The following STAG1 variants were observed in gnomAD, a reference collection of about 807,000 sequenced individuals.
STAG1 encodes cohesin subunit SA-1.
In STAG1, 26 loss-of-function variants were observed where a neutral mutation model predicts 170.9. The ratio of observed to expected loss-of-function variants is 0.15; its 90% CI spans 0.11 to 0.21. The LOEUF (loss-of-function observed/expected upper bound fraction) is 0.21. Among genes scored for constraint, STAG1 ranks in the 10% least tolerant of loss-of-function variants. The probability of loss-of-function intolerance (pLI) is 1.00; values close to 1 mark genes in which losing one functional copy is unlikely to be tolerated. For synonymous variants in STAG1, 514 were observed against 497.7 expected, an observed-to-expected ratio of 1.03 and a Z score of -0.44; for missense variants, 964 against 1,509.5, an observed-to-expected ratio of 0.64 and a Z score of 5.99.
intron 1 of STAG1, among the ~76,000 whole-genome samples, chr3:136,643,826 A>C (rs920868457): frequency 1.3e-5 from 2 of 152,146 alleles, no homozygotes; most frequent in Admixed American, 1.3e-4. Context: ...TATTCTTGAC[A>C]ACTGAGGAAA....
chr3:136,473,488 T>C (rs113732482), intron 11 of STAG1, 51 bp downstream of exon 11: 34 of 1,347,656 alleles, frequency 2.5e-5, no homozygotes, highest in African/African-American at 1.5e-4. Flanking sequence ...TAGCTGTAAC[T>C]AGCATTTGTA....
At chr3:136,662,121 C>T (rs770185200) in intron 1 of STAG1, among the ~76,000 whole-genome samples, 1 of 151,514 alleles carries the variant, frequency 6.6e-6, no homozygotes, top group Non-Finnish European at 1.5e-5. Context: ...TTCCAGTTTA[C>T]TAATTCCAGT....
At chr3:136,512,320 G>T (rs548544827) in intron 7 of STAG1, among the ~76,000 whole-genome samples, 3 of 151,796 alleles carry the variant, frequency 2.0e-5, no homozygotes, top group African/African-American at 7.2e-5. Flanking sequence ...ATAAAAATAA[G>T]CTATTTTAGC....
At chr3:136,618,279 T>C (rs1296107625) in intron 3 of STAG1, among the ~76,000 whole-genome samples, 1 of 152,314 alleles carries the variant, frequency 6.6e-6, no homozygotes, top group Non-Finnish European at 1.5e-5. Context: ...TTAGCCTGGG[T>C]GGTCTAACCC....
intron 22 of STAG1, among the ~76,000 whole-genome samples, chr3:136,391,701 T>C (rs915800638): frequency 6.6e-6 from 1 of 152,234 alleles, no homozygotes; most frequent in African/African-American, 2.4e-5. Context: ...CTTATTTGCC[T>C]GGCTCTTTAA....
At chr3:136,598,590 C>A (rs1938532110) in intron 4 of STAG1, among the ~76,000 whole-genome samples, 1 of 152,030 alleles carries the variant, frequency 6.6e-6, no homozygotes, top group Admixed American at 6.6e-5. Flanking sequence ...CCACGCCCGG[C>A]TAATTTTTTG....
At chr3:136,711,413 T>C (rs1389566118) in intron 1 of STAG1, among the ~76,000 whole-genome samples, 1 of 152,100 alleles carries the variant, frequency 6.6e-6, no homozygotes, top group African/African-American at 2.4e-5. Context: ...TTTTAAAAAT[T>C]AGCCAGGCAT....
Position 136,349,346 on chromosome 3 carries a change from T to C in STAG1, c.3083A>G (p.Lys1028Arg). ...TTCCATCATCTGCTCGGTAAGGAAT[T>C]TCTCTAGGTATGAATGACTAGAAAC... The part of the protein sequence containing the change: ...DKKTVHSYLE[K>R]FLTEQMMERR... Residue 1028 changes from lysine (K) to arginine (R), a missense_variant, in exon 29 of 34, where the codon AAA (lysine) becomes AGA (arginine). Physicochemically the swap from Lys to Arg is conservative, Grantham distance 26. This residue lies in a region of STAG1 where 149 missense variants were observed against 301.3 expected (regional missense o/e 0.49). Transcript: ENST00000383202. 1 of 1,613,620 alleles carries C rather than the reference T, an allele frequency of 6.2e-7. No individual in the cohort carries two copies. Among genetic ancestry groups the C allele is most frequent in the Non-Finnish European group, 8.5e-7 (1 of 1,179,594 alleles).
At chr3:136,429,215 T>C (rs1261649427) in intron 16 of STAG1, among the ~76,000 whole-genome samples, 1 of 152,154 alleles carries the variant, frequency 6.6e-6, no homozygotes, top group East Asian at 1.9e-4. Flanking sequence ...GAGACCAGCC[T>C]GGCCAACGTG....
chr3:136,684,167 T>G (rs1205313211), intron 1 of STAG1, among the ~76,000 whole-genome samples: 1 of 152,206 alleles, frequency 6.6e-6, no homozygotes, highest in Non-Finnish European at 1.5e-5. Context: ...TTGTGAATAC[T>G]AACAAAGCGA....
At chr3:136,655,569 C>A (rs535844453) in intron 1 of STAG1, among the ~76,000 whole-genome samples, 6 of 152,288 alleles carry the variant, frequency 3.9e-5, no homozygotes, top group African/African-American at 1.4e-4. Context: ...TCCAGGCCAG[C>A]CTGGCCAACA....
intron 6 of STAG1, among the ~76,000 whole-genome samples, chr3:136,540,516 C>T: frequency 6.6e-6 from 1 of 151,916 alleles, no homozygotes. Context: ...ACAATATTTA[C>T]AGGAGTATTT....
chr3:136,354,666 A>G (rs560615737), intron 28 of STAG1, among the ~76,000 whole-genome samples: 3 of 149,798 alleles, frequency 2.0e-5, no homozygotes, highest in Admixed American at 6.7e-5. Context: ...AACTAAAAAA[A>G]TACAATTAAA....
chr3:136,371,239 T>C (rs1241368527), intron 23 of STAG1, among the ~76,000 whole-genome samples: 1 of 152,254 alleles, frequency 6.6e-6, no homozygotes, highest in Non-Finnish European at 1.5e-5. Flanking sequence ...GAGTTCATTG[T>C]AGATTCTGGA....
chr3:136,514,163 A>G (rs1314725787), intron 7 of STAG1, among the ~76,000 whole-genome samples: 2 of 152,230 alleles, frequency 1.3e-5, no homozygotes, highest in Non-Finnish European at 2.9e-5. Context: ...TATGAAAACG[A>G]AAAGTATGTT....
intron 12 of STAG1, among the ~76,000 whole-genome samples, chr3:136,467,285 A>G (rs2089491625): frequency 2.0e-5 from 3 of 152,168 alleles, no homozygotes; most frequent in Non-Finnish European, 2.9e-5. Context: ...AGAGACACAC[A>G]TAGGCGCAAA....
chr3:136,740,626 C>G lies in STAG1; in HGVS notation c.-84+11569G>C, dbSNP rs577500241. On this transcript the variant is annotated intron_variant, in intron 1 of 33. Transcript: ENST00000383202. ...CCCCAAGTAGCTGGGACTACAGGTG[C>G]GCACTACCACACCTAACTAATTTTT... Among the ~76,000 whole-genome samples the G allele has an allele frequency of 4.6e-5, 7 of 152,192 alleles. No individual in the cohort carries two copies. In the South Asian group the frequency reaches 1.5e-3, roughly 32 times the overall value.
At chr3:136,489,687 A>T (rs1024725469) in intron 9 of STAG1, among the ~76,000 whole-genome samples, 1 of 152,214 alleles carries the variant, frequency 6.6e-6, no homozygotes, top group Non-Finnish European at 1.5e-5. Flanking sequence ...AATTATAGAG[A>T]ATTTTTTGGT....
chr3:136,448,270 T>C (rs551778659), intron 14 of STAG1, among the ~76,000 whole-genome samples: 1 of 152,328 alleles, frequency 6.6e-6, no homozygotes, highest in South Asian at 2.1e-4. Flanking sequence ...TAAATGTCTG[T>C]GTACTGGTCT....
Sources: allele counts gnomAD v4.1 joint callset (sites outside exome capture counted in the v4.1 genomes callset), GRCh38; gene constraint gnomAD v4.1.1; regional missense constraint gnomAD v4.1.1; transcripts MANE v1.5; gene names NCBI Gene and HGNC (gene_info 2026-07-23, HGNC 2026-07-21).